CLSTN2: variants seen among roughly 807,000 people sequenced by gnomAD.
CLSTN2 encodes calsyntenin-2.
In CLSTN2, 48 loss-of-function variants were observed where a neutral mutation model predicts 101.2. That is an observed-to-expected ratio of 0.47 (90% confidence interval 0.38 to 0.60). The LOEUF is 0.60. CLSTN2 is among the 20% of genes least tolerant of loss of function. CLSTN2 has a pLI of 0.00. For missense variants in CLSTN2, 1,160 were observed against 1,238.2 expected (o/e 0.94, Z 0.95); for synonymous variants, 481 against 463.6 (o/e 1.04, Z -0.48).
chr3:140,004,545 C>A lies in CLSTN2; in HGVS notation c.109+69062C>A, dbSNP rs374440559. Among the ~76,000 whole-genome samples, 4 of 152,332 alleles carry A rather than the reference C, an allele frequency of 2.6e-5. No homozygotes were observed. In the East Asian group the frequency reaches 5.8e-4, roughly 22 times the overall value. ...TTTAAGCAGTCCTTCTTTAGAGAGC[C>A]TCTCTGATGCTGGGGCCCTCTTAGA... On this transcript the variant is annotated intron_variant, in intron 1 of 16. Coordinates refer to ENST00000458420, the MANE Select transcript of CLSTN2 (RefSeq NM_022131.3).
intron 5 of CLSTN2, among the ~76,000 whole-genome samples, chr3:140,439,025 G>A (rs1201213370): frequency 6.6e-6 from 1 of 152,358 alleles, no homozygotes; most frequent in South Asian, 2.1e-4. Context: ...GGAAAGGAGG[G>A]CTTGGCACAG....
chr3:140,566,240 C>G lies in CLSTN2; in HGVS notation c.2855C>G (p.Thr952Ser). ...GCCCAGCTGGAGTGGGATGACTCCACCCTCCCCTACTAGTGCCCAGGGGTC... is the reference window on the plus strand; with the variant it reads ...GCCCAGCTGGAGTGGGATGACTCCAGCCTCCCCTACTAGTGCCCAGGGGTC... ...RQAQLEWDDS[T>S]LPY The change falls in exon 17 of 17, where the codon ACC becomes AGC. Residue 952 changes from threonine to serine, a missense_variant. Transcript: ENST00000458420. 6.4e-7 allele frequency: 1 copy of G among 1,568,620 alleles called. No individual in the cohort carries two copies. The highest frequency in any genetic ancestry group is 8.6e-7 in the Non-Finnish European group (1 of 1,156,542).
At chr3:140,260,158 T>TATATATATATATATATATA (rs1559821944) in intron 2 of CLSTN2, among the ~76,000 whole-genome samples, 4 of 146,774 alleles carry the variant, frequency 2.7e-5, no homozygotes, top group African/African-American at 9.9e-5. Context: ...ATATATATAT[T>TATATATATATATATATATA]ATATATAAAA....
At chr3:140,317,073 A>G (rs771146930) in intron 2 of CLSTN2, among the ~76,000 whole-genome samples, 15 of 152,220 alleles carry the variant, frequency 9.9e-5, no homozygotes, top group Non-Finnish European at 1.6e-4. Context: ...AGGTATTTCC[A>G]GTTGAGAGTT....
chr3:139,957,916 A>G (rs1207072754), intron 1 of CLSTN2, among the ~76,000 whole-genome samples: 1 of 152,126 alleles, frequency 6.6e-6, no homozygotes, highest in Non-Finnish European at 1.5e-5. Context: ...TCGCCGGGCG[A>G]TCCCCTGTGT....
chr3:140,105,364 G>A (rs2009038848), intron 1 of CLSTN2, among the ~76,000 whole-genome samples: 1 of 152,180 alleles, frequency 6.6e-6, no homozygotes, highest in South Asian at 2.1e-4. Flanking sequence ...TCTTAAAACA[G>A]CCATAAACTC....
At chr3:140,275,632 C>T (rs1371125925) in intron 2 of CLSTN2, among the ~76,000 whole-genome samples, 1 of 152,012 alleles carries the variant, frequency 6.6e-6, no homozygotes, top group Non-Finnish European at 1.5e-5. Flanking sequence ...GCTAGGAAGC[C>T]CCACATAAGA....
At chr3:140,560,312 T>C (rs569731596) in intron 12 of CLSTN2, among the ~76,000 whole-genome samples, 2 of 152,336 alleles carry the variant, frequency 1.3e-5, no homozygotes, top group South Asian at 4.1e-4. Context: ...ATTCTCTTTA[T>C]GCTGTCAATA....
intron 8 of CLSTN2, among the ~76,000 whole-genome samples, chr3:140,480,556 C>A (rs1934092372): frequency 6.6e-6 from 1 of 152,168 alleles, no homozygotes; most frequent in South Asian, 2.1e-4. Flanking sequence ...GTTTACAGTC[C>A]CGCCAACAGT....
intron 2 of CLSTN2, among the ~76,000 whole-genome samples, chr3:140,350,226 T>C (rs531200527): frequency 5.3e-5 from 8 of 152,336 alleles, no homozygotes; most frequent in Non-Finnish European, 1.2e-4. Context: ...AATCTTTCTT[T>C]AATGGTGCCA....
rs1260406452 is a variant in CLSTN2, at chr3:140,485,815, G to C, written c.1344+19084G>C. 3.3e-5 allele frequency among the ~76,000 whole-genome samples: 5 copies of C among 152,238 alleles called. No individual in the cohort carries two copies. In the East Asian group the frequency reaches 7.8e-4, roughly 24 times the overall value. On this transcript the variant is annotated intron_variant, in intron 8 of 16. Coordinates refer to ENST00000458420, the MANE Select transcript of CLSTN2 (RefSeq NM_022131.3). ...CTAAGACCATTGGAAAAGCACAGTA[G>C]TATTAGGGTGTGAGTGACCCGATTT...
intron 2 of CLSTN2, among the ~76,000 whole-genome samples, chr3:140,376,052 G>A (rs1324017429): frequency 6.6e-6 from 1 of 152,168 alleles, no homozygotes; most frequent in East Asian, 1.9e-4. Flanking sequence ...ATCTCCCTGT[G>A]TCACTCACTC....
intron 10 of CLSTN2, among the ~76,000 whole-genome samples, chr3:140,551,399 A>G (rs1258924775): frequency 6.6e-6 from 1 of 152,026 alleles, no homozygotes; most frequent in Non-Finnish European, 1.5e-5. Flanking sequence ...AAAATGGTTT[A>G]GTGGCTGCTG....
intron 2 of CLSTN2, among the ~76,000 whole-genome samples, chr3:140,311,167 C>A (rs1355689555): frequency 1.3e-5 from 2 of 151,534 alleles, no homozygotes; most frequent in African/African-American, 4.9e-5. Context: ...GCTAATATCA[C>A]CAGATTTGCA....
intron 8 of CLSTN2, chr3:140,508,857 G>A (rs1352659951): frequency 6.6e-6 from 1 of 152,196 alleles, no homozygotes; most frequent in Non-Finnish European, 1.5e-5. Context: ...GCAAAAACCT[G>A]GGAGGAGGAA....
chr3:140,328,862 A>G (rs2107927957), intron 2 of CLSTN2, among the ~76,000 whole-genome samples: 1 of 152,352 alleles, frequency 6.6e-6, no homozygotes, highest in East Asian at 1.9e-4. Context: ...GGCATGCAGT[A>G]TGCATTCAGT....
In CLSTN2 at chr3:140,404,677, C is replaced by T; in HGVS notation, c.548C>T (p.Ala183Val). 6 of 1,614,164 alleles carry T rather than the reference C, an allele frequency of 3.7e-6. No individual in the cohort carries two copies. The highest frequency in any genetic ancestry group is 4.2e-6 in the Non-Finnish European group (5 of 1,180,012). Residue 183 changes from alanine to valine, a missense_variant, in exon 4 of 17, where the codon GCC (alanine) becomes GTC (valine). By Grantham distance (64) the Ala-to-Val change is moderately conservative (BLOSUM62 0). Transcript: ENST00000458420. ...TATGACAGCATTCTGCAGGTGGAGG[C>T]CATTGACGAGGACTGCTCCCCACAG... is the stretch of plus-strand genomic sequence containing the variant. ...KIYDSILQVE[A>V]IDEDCSPQYS...
chr3:139,993,702 T>C (rs1350226762), intron 1 of CLSTN2, among the ~76,000 whole-genome samples: 1 of 152,230 alleles, frequency 6.6e-6, no homozygotes, highest in Non-Finnish European at 1.5e-5. Flanking sequence ...AAACAGTGGC[T>C]TTGTGGCCAA....
chr3:140,257,106 C>T (rs143872997), intron 2 of CLSTN2, among the ~76,000 whole-genome samples: 14 of 152,238 alleles, frequency 9.2e-5, no homozygotes, highest in Non-Finnish European at 1.0e-4. Flanking sequence ...AATCAGTGTT[C>T]ACCAGAGTGA....
Sources: gnomAD v4.1 joint callset for allele counts (sites outside exome capture counted in the v4.1 genomes callset) on GRCh38, gnomAD v4.1.1 for gene constraint, MANE v1.5 for transcripts, NCBI Gene and HGNC (gene_info 2026-07-23, HGNC 2026-07-21) for gene names.